The following PLPPR4 variants were observed in gnomAD, a reference collection of about 807,000 sequenced individuals.
PLPPR4 encodes the protein phospholipid phosphatase related 4, also known as phospholipid phosphatase-related protein type 4.
PLPPR4 carries 24 observed loss-of-function variants against 56.6 expected under a neutral mutation model. The observed-to-expected ratio is 0.42, with a 90% confidence interval of 0.31 to 0.60. The LOEUF is 0.60. PLPPR4 is among the 20% of genes least tolerant of loss of function. The probability of loss-of-function intolerance (pLI) is 0.13; values close to 1 mark genes in which losing one functional copy is unlikely to be tolerated. For synonymous variants in PLPPR4, 326 were observed against 328.1 expected (o/e 0.99, Z 0.07); for missense variants, 654 against 885.8 (o/e 0.74, Z 3.32).
chr1:99,265,148 C>G (rs1044696362), intron 1 of PLPPR4, among the ~76,000 whole-genome samples: 1 of 107,090 alleles, frequency 9.3e-6, no homozygotes, highest in African/African-American at 4.7e-5. Flanking sequence ...GCTCCTGCCC[C>G]CCCCCCCCAA....
chr1:99,297,945 G>A (rs1011722446), intron 3 of PLPPR4, among the ~76,000 whole-genome samples: 2 of 152,058 alleles, frequency 1.3e-5, no homozygotes, highest in South Asian at 2.1e-4. Context: ...CTGCATCAGC[G>A]ACAGGTCTAG....
intron 6 of PLPPR4, among the ~76,000 whole-genome samples, chr1:99,304,881 T>C (rs1659978962): frequency 1.3e-5 from 2 of 152,196 alleles, no homozygotes; most frequent in Non-Finnish European, 2.9e-5. Context: ...AGATCTTCTA[T>C]GTGCCAAAAG....
chr1:99,281,363 G>T (rs1199261722), intron 1 of PLPPR4, among the ~76,000 whole-genome samples: 1 of 152,102 alleles, frequency 6.6e-6, no homozygotes, highest in African/African-American at 2.4e-5. Flanking sequence ...ATAAAAACCA[G>T]TTTAGATTTC....
At chr1:99,269,633 A>G (rs1378585338) in intron 1 of PLPPR4, among the ~76,000 whole-genome samples, 2 of 152,256 alleles carry the variant, frequency 1.3e-5, no homozygotes, top group Admixed American at 6.5e-5. Context: ...AATTCCTAAC[A>G]TGAAATAAAT....
chr1:99,294,810 T>C (rs1221810714), intron 2 of PLPPR4, among the ~76,000 whole-genome samples: 1 of 152,116 alleles, frequency 6.6e-6, no homozygotes, highest in Non-Finnish European at 1.5e-5. Context: ...CTTATGTAAT[T>C]CAACACTCAT....
At chr1:99,301,315 ACACG>A (rs1356693056) in intron 5 of PLPPR4, among the ~76,000 whole-genome samples, 5 of 151,990 alleles carry the variant, frequency 3.3e-5, no homozygotes, top group Non-Finnish European at 4.4e-5. Context: ...ACACACACAC[ACACG>A]TACGCTACTT....
intron 1 of PLPPR4, among the ~76,000 whole-genome samples, chr1:99,267,104 A>G (rs1658918439): frequency 6.6e-6 from 1 of 152,354 alleles, no homozygotes; most frequent in Middle Eastern, 3.4e-3. Flanking sequence ...TACTCAAACC[A>G]TAATTTAAGT....
At chr1:99,263,326 G>A (rs894385350), upstream of PLPPR4, among the ~76,000 whole-genome samples, 20 of 152,172 alleles carry the variant, frequency 1.3e-4, no homozygotes, top group Admixed American at 1.2e-3. Flanking sequence ...CAATTATATT[G>A]CTAGACTTTG....
Position 99,305,783 on chromosome 1 carries a change from C to T in PLPPR4, c.921C>T (p.Asn307=). 1 of 1,614,104 alleles carries T rather than the reference C, an allele frequency of 6.2e-7. No individual in the cohort carries two copies. Among genetic ancestry groups the T allele is most frequent in the Middle Eastern group, 1.6e-4 (1 of 6,062 alleles). ...RSLTDLNQDP[N]RLLSAKNGSS... is the part of the protein sequence containing the mutation. Reference sequence around the variant, plus strand: ...TGACAGACCTCAATCAAGATCCCAACCGACTTTTATCTGCTAAAAATGGTA... The same window carrying T: ...TGACAGACCTCAATCAAGATCCCAATCGACTTTTATCTGCTAAAAATGGTA... The change falls in exon 7 of 7, where the codon AAC becomes AAT. Residue 307 remains asparagine, a synonymous_variant. Coordinates refer to ENST00000370185, the MANE Select transcript of PLPPR4 (RefSeq NM_014839.5).
intron 1 of PLPPR4, among the ~76,000 whole-genome samples, chr1:99,285,865 A>T (rs1489001888): frequency 6.6e-6 from 1 of 152,190 alleles, no homozygotes; most frequent in East Asian, 1.9e-4. Flanking sequence ...ATGTAAGTCC[A>T]CATTTTTGGG....
chr1:99,275,383 T>C (rs1404675233), intron 1 of PLPPR4, among the ~76,000 whole-genome samples: 3 of 152,166 alleles, frequency 2.0e-5, no homozygotes, highest in Non-Finnish European at 4.4e-5. Flanking sequence ...ATAGATAATA[T>C]TGGTTCTGGT....
chr1:99,263,665 G>C (rs1413160491), upstream of PLPPR4, among the ~76,000 whole-genome samples: 2 of 152,138 alleles, frequency 1.3e-5, no homozygotes, highest in African/African-American at 2.4e-5. Flanking sequence ...GACTAGCCAT[G>C]TATACTGCCA....
At chr1:99,298,126 G>A (rs746100595) in intron 3 of PLPPR4, among the ~76,000 whole-genome samples, 1 of 152,142 alleles carries the variant, frequency 6.6e-6, no homozygotes, top group Non-Finnish European at 1.5e-5. Flanking sequence ...AGGGTAATGT[G>A]CAAGCCAGCA....
At chr1:99,273,704 G>C (rs1039292054) in intron 1 of PLPPR4, among the ~76,000 whole-genome samples, 1 of 152,050 alleles carries the variant, frequency 6.6e-6, no homozygotes, top group East Asian at 1.9e-4. Context: ...TTTGGTAAAA[G>C]TAATAGAAAC....
rs148143169 is a variant in PLPPR4, at chr1:99,288,102, T to A, written c.216T>A (p.Ile72=). Residue 72 remains isoleucine (I), a synonymous_variant, in exon 2 of 7, where the codon ATT becomes ATA. Transcript: ENST00000370185. ...MPYIEPTQEA[I]PFLMLLSLAF... ...ACATTGAACCAACCCAGGAGGCAATTCCATTCCTCATGTTGCTTAGCTTGG... is the reference window on the plus strand; with the variant it reads ...ACATTGAACCAACCCAGGAGGCAATACCATTCCTCATGTTGCTTAGCTTGG... The A allele has an allele frequency of 1.7e-3, 2,781 of 1,613,832 alleles. 20 individuals carry two copies. Among genetic ancestry groups the A allele is most frequent in the African/African-American group, 8.1e-3 (607 of 75,012 alleles).
At chr1:99,304,784 T>C (rs1007292338) in intron 6 of PLPPR4, among the ~76,000 whole-genome samples, 10 of 152,188 alleles carry the variant, frequency 6.6e-5, no homozygotes, top group Non-Finnish European at 1.3e-4. Flanking sequence ...TACCGCCTTT[T>C]GAAATTAGCA....
chr1:99,269,129 T>C (rs1658987086), intron 1 of PLPPR4, among the ~76,000 whole-genome samples: 1 of 152,096 alleles, frequency 6.6e-6, no homozygotes, highest in African/African-American at 2.4e-5. Flanking sequence ...CCTGTGTCCA[T>C]GTGTTCTCAT....
chr1:99,293,214 G>T (rs1570918909), intron 2 of PLPPR4, among the ~76,000 whole-genome samples: 1 of 152,090 alleles, frequency 6.6e-6, no homozygotes, highest in African/African-American at 2.4e-5. Flanking sequence ...CGGCTGATTT[G>T]TATGCAGGAA....
At chr1:99,289,832 T>G (rs957087268) in intron 2 of PLPPR4, among the ~76,000 whole-genome samples, 15 of 151,896 alleles carry the variant, frequency 9.9e-5, no homozygotes, top group Admixed American at 2.6e-4. Flanking sequence ...AACCCAAACA[T>G]CATACTGAAT....
Sources: gnomAD v4.1 joint callset for allele counts (sites outside exome capture counted in the v4.1 genomes callset) on GRCh38, gnomAD v4.1.1 for gene constraint, MANE v1.5 for transcripts, NCBI Gene and HGNC (gene_info 2026-07-23, HGNC 2026-07-21) for gene names.